Variants in SPG11 observed in about 807,000 individuals in gnomAD.
The protein encoded by SPG11 is SPG11 vesicle trafficking associated, spatacsin.
SPG11 carries 222 observed loss-of-function variants against 274.0 expected under a neutral mutation model. The ratio of observed to expected loss-of-function variants is 0.81; its 90% CI spans 0.73 to 0.91. The LOEUF is 0.91. SPG11 is among the 40% of genes least tolerant of loss of function. The pLI is 0.00. For synonymous variants in SPG11, 1,144 were observed against 1,039.7 expected (o/e 1.10, Z -1.93); for missense variants, 3,114 against 2,872.7 (o/e 1.08, Z -1.92).
intron 27 of SPG11, among the ~76,000 whole-genome samples, chr15:44,591,136 T>C (rs907208614): frequency 2.6e-5 from 4 of 152,214 alleles, no homozygotes; most frequent in African/African-American, 9.6e-5. Flanking sequence ...AGGACTTACC[T>C]ACTCTAAGTA....
Position 44,563,229 on chromosome 15 carries a change from A to G in SPG11, c.7224T>C (p.Val2408=), listed in dbSNP as rs1414226085. 6.2e-7 allele frequency: 1 copy of G among 1,614,046 alleles called. No individual in the cohort carries two copies. The highest frequency in any genetic ancestry group is 2.2e-5 in the East Asian group (1 of 44,892). ...CGTATGCCAACTTGTAATACAGGTA[A>G]ACATCTTCACAATATGTGAGTAATT... The part of the protein sequence containing the change: ...LKKLLTYCED[V]YLYYKLAYEH... The change falls in exon 40 of 40, where the codon GTT becomes GTC. Residue 2408 remains valine, a synonymous_variant. Transcript: ENST00000261866.
chr15:44,641,414 A>C (rs974542929), intron 7 of SPG11, among the ~76,000 whole-genome samples: 1 of 152,136 alleles, frequency 6.6e-6, no homozygotes, highest in African/African-American at 2.4e-5. Flanking sequence ...CCACGAATTA[A>C]GTAAAAAGAC....
chr15:44,628,817 A>G lies in SPG11; in HGVS notation c.1919T>C (p.Val640Ala). 1 of 1,613,072 alleles carries G rather than the reference A, an allele frequency of 6.2e-7. No individual in the cohort carries two copies. The highest frequency in any genetic ancestry group is 2.2e-5 in the East Asian group (1 of 44,808). The stretch of plus-strand genomic sequence containing the variant: ...ATTAATGTAGCTAGTCAAAATGTTC[A>G]CTCCTTTTTGCAGATGTTCATCTAG... Reference protein sequence around the residue: ...EELDEHLQKGVNILTSYINEL... With the variant: ...EELDEHLQKGANILTSYINEL... The change falls in exon 10 of 40, where the codon GTG becomes GCG. Residue 640 changes from valine to alanine, a missense_variant. Transcript: ENST00000261866.
At chr15:44,616,937 G>A (rs1342989542) in intron 15 of SPG11, among the ~76,000 whole-genome samples, 2 of 152,228 alleles carry the variant, frequency 1.3e-5, no homozygotes, top group African/African-American at 4.8e-5. Context: ...ATGAGGAAGA[G>A]CATCTTTTCC....
chr15:44,619,870 T>G (rs1049370777), intron 15 of SPG11, among the ~76,000 whole-genome samples: 3 of 151,752 alleles, frequency 2.0e-5, no homozygotes, highest in African/African-American at 7.3e-5. Flanking sequence ...GTACCCGGCA[T>G]TATGCCTGGC....
In SPG11 at chr15:44,659,307, C is replaced by T. The variant is rs751325347; in HGVS notation, c.443-4G>A. 3.7e-6 allele frequency: 6 copies of T among 1,606,886 alleles called. No individual in the cohort carries two copies. Among genetic ancestry groups the T allele is most frequent in the Non-Finnish European group, 4.3e-6 (5 of 1,173,648 alleles). ...CTCAAAGACAATAAGGAAATACCTA[C>T]AAAACAAAAGGATATTATTTCAAAC... is the stretch of plus-strand genomic sequence containing the variant. On this transcript the variant is annotated splice_polypyrimidine_tract_variant and splice_region_variant and intron_variant, in intron 2 of 39. Transcript: ENST00000261866.
At chr15:44,615,608 T>C (rs777193025) in intron 15 of SPG11, 42 bp from the exon 16 acceptor site, 1 of 1,583,770 alleles carries the variant, frequency 6.3e-7, no homozygotes, top group East Asian at 2.2e-5. Flanking sequence ...AAAGTTGCTA[T>C]GTTCAGAGTA....
intron 29 of SPG11, 29 bp downstream of exon 29, chr15:44,585,607 A>T (rs1254773543): frequency 1.4e-6 from 2 of 1,415,234 alleles, no homozygotes; most frequent in Non-Finnish European, 1.9e-6. Context: ...GTATCTAAAA[A>T]AAAAAAAAAA....
At chr15:44,592,486 T>A in intron 26 of SPG11, 48 bp from the exon 27 acceptor site, 3 of 1,085,126 alleles carry the variant, frequency 2.8e-6, no homozygotes, top group Non-Finnish European at 4.3e-6. Context: ...AACTTAATAT[T>A]TTTTCAATGA....
At chr15:44,603,089 C>A (rs968221102) in intron 20 of SPG11, among the ~76,000 whole-genome samples, 3 of 142,350 alleles carry the variant, frequency 2.1e-5, no homozygotes, top group Non-Finnish European at 3.0e-5. Flanking sequence ...CAGGGTCTTG[C>A]TGTTGCCCAG....
rs368905214 is a variant in SPG11 at position 44,606,074 on chromosome 15, A to G, written c.3471T>C (p.Asp1157=). Residue 1157 remains aspartate, a synonymous_variant, in exon 20 of 40, where the codon GAT becomes GAC. Coordinates refer to ENST00000261866, the MANE Select transcript of SPG11 (RefSeq NM_025137.4). The part of the protein sequence containing the change: ...YHLIQSLSPF[D]PSRLFGWQSA... ...ACTGCCAGCCAAACAATCTGCTAGG[A>G]TCAAAGGGTGATAATGACTGAAAAA... The G allele has an allele frequency of 1.4e-5, 23 of 1,613,722 alleles. No homozygotes were observed. Among genetic ancestry groups the G allele is most frequent in the Non-Finnish European group, 1.9e-5 (22 of 1,179,764 alleles).
chr15:44,641,691 C>A (rs1170522486), intron 7 of SPG11, among the ~76,000 whole-genome samples: 1 of 145,340 alleles, frequency 6.9e-6, no homozygotes, highest in African/African-American at 2.5e-5. Flanking sequence ...CTGGAAAAAA[C>A]GTTATAAATT....
At chr15:44,623,754 CTTTTCT>C in intron 11 of SPG11, among the ~76,000 whole-genome samples, 1 of 150,412 alleles carries the variant, frequency 6.6e-6, no homozygotes, top group South Asian at 2.1e-4. Context: ...GAGTACTTTT[CTTTTCT>C]TTTTCTTTTT....
At position 44,572,768 on chromosome 15, in the gene SPG11, C is replaced by T. The variant is rs150761878; in HGVS notation, c.6258G>A (p.Leu2086=). Residue 2086 remains leucine, a synonymous_variant, in exon 33 of 40, where the codon CTG becomes CTA. Transcript: ENST00000261866. The stretch of plus-strand genomic sequence containing the variant: ...ATGTGCGGTCTTGACACAGAGTGGT[C>T]AGCTGAAGAAATGTCTGGCTTTCCT... The part of the protein sequence containing the change: ...PTEESQTFLQ[L]TTLCQDRTLV... The T allele has an allele frequency of 6.2e-7, 1 of 1,613,926 alleles. No individual in the cohort carries two copies. Among genetic ancestry groups the T allele is most frequent in the African/African-American group, 1.3e-5 (1 of 74,892 alleles).
chr15:44,566,953 T>G (rs1016713656), intron 36 of SPG11, among the ~76,000 whole-genome samples: 1 of 152,118 alleles, frequency 6.6e-6, no homozygotes, highest in Admixed American at 6.5e-5. Flanking sequence ...TCCACCTACC[T>G]TGGCCTCCCA....
chr15:44,659,482 G>A lies in SPG11; in HGVS notation c.443-179C>T, dbSNP rs75806117. On this transcript the variant is annotated intron_variant, in intron 2 of 39. Coordinates refer to ENST00000261866, the MANE Select transcript of SPG11 (RefSeq NM_025137.4). ...GTAGTCACTGGGAGGTAGGTAAGAG[G>A]ATGACTAAAGATGGCCTACAATGTC... Among the ~76,000 whole-genome samples the A allele has an allele frequency of 7.0e-3, 1,071 of 152,210 alleles. 14 individuals carry two copies. Among genetic ancestry groups the A allele is most frequent in the African/African-American group, 0.024 (995 of 41,512 alleles).
intron 39 of SPG11, among the ~76,000 whole-genome samples, chr15:44,564,121 TAGCTGGGACTACAGGTGCC>T (rs2082259145): frequency 6.6e-6 from 1 of 152,080 alleles, no homozygotes. Flanking sequence ...GCCTCCCGAG[TAGCTGGGACTACAGGTGCC>T]AGCTACCACA....
At chr15:44,637,641 G>A (rs373424226) in intron 7 of SPG11, among the ~76,000 whole-genome samples, 1 of 152,124 alleles carries the variant, frequency 6.6e-6, no homozygotes, top group African/African-American at 2.4e-5. Flanking sequence ...TCAAGCACAT[G>A]GAACTTTTAT....
rs370259626 is a variant in SPG11, at chr15:44,657,285, C to A, written c.679G>T (p.Val227Phe). 20 of 1,614,164 alleles carry A rather than the reference C, an allele frequency of 1.2e-5. No homozygotes were observed. The highest frequency in any genetic ancestry group is 2.2e-5 in the East Asian group (1 of 44,884). Residue 227 changes from valine to phenylalanine, a missense_variant, in exon 4 of 40, where the codon GTT becomes TTT. Transcript: ENST00000261866. Reference sequence around the variant, plus strand: ...TGAGCTACATATGTACCATCCACAACATCAAAAATGTCTTTTAGTTAGAGT... The same window carrying A: ...TGAGCTACATATGTACCATCCACAAAATCAAAAATGTCTTTTAGTTAGAGT... ...SSLGWIYIFD[V>F]VDGTYVAHVD... is the part of the protein sequence containing the mutation.
Sources: gnomAD v4.1 joint callset for allele counts (sites outside exome capture counted in the v4.1 genomes callset) on GRCh38, gnomAD v4.1.1 for gene constraint, MANE v1.5 for transcripts, NCBI Gene and HGNC (gene_info 2026-07-23, HGNC 2026-07-21) for gene names.